The following XPNPEP3 variants were observed in gnomAD, a reference collection of about 807,000 sequenced individuals.
The protein encoded by XPNPEP3 is xaa-Pro aminopeptidase 3.
In XPNPEP3, 41 loss-of-function variants were observed where a neutral mutation model predicts 60.0. The observed-to-expected ratio is 0.68, with a 90% CI of 0.53 to 0.89. XPNPEP3 has a LOEUF of 0.89. Among genes scored for constraint, XPNPEP3 ranks in the 40% least tolerant of loss-of-function variants. XPNPEP3 has a pLI of 0.00. For missense variants in XPNPEP3, 598 were observed against 638.9 expected (o/e 0.94, Z 0.69); for synonymous variants, 212 against 223.2 (o/e 0.95, Z 0.45).
intron 2 of XPNPEP3, among the ~76,000 whole-genome samples, chr22:40,872,888 T>C (rs1441263790): frequency 6.6e-6 from 1 of 152,084 alleles, no homozygotes; most frequent in African/African-American, 2.4e-5. Context: ...CACTGAAACA[T>C]ATCAGAGAAT....
chr22:40,862,948 C>T (rs1227061647), intron 1 of XPNPEP3, among the ~76,000 whole-genome samples: 1 of 152,168 alleles, frequency 6.6e-6, no homozygotes, highest in African/African-American at 2.4e-5. Context: ...AAAAAAATAG[C>T]AATGTGCTGG....
At chr22:40,869,220 G>A (rs1455186100) in intron 2 of XPNPEP3, 105 bp downstream of exon 2, 3 of 1,004,444 alleles carry the variant, frequency 3.0e-6, no homozygotes, top group Middle Eastern at 2.1e-4. Flanking sequence ...TGTTCCATAA[G>A]GTAGCCACTA....
intron 4 of XPNPEP3, among the ~76,000 whole-genome samples, chr22:40,898,205 T>G (rs2058116607): frequency 6.7e-6 from 1 of 149,298 alleles, no homozygotes; most frequent in African/African-American, 2.4e-5. Context: ...TTTTATGTTT[T>G]ATGTTTAGGT....
chr22:40,892,934 A>G (rs960251783), intron 4 of XPNPEP3, among the ~76,000 whole-genome samples: 1 of 139,032 alleles, frequency 7.2e-6, no homozygotes, highest in Non-Finnish European at 1.5e-5. Flanking sequence ...TTTTACACAT[A>G]TTATAACAGA....
intron 1 of XPNPEP3, chr22:40,861,238 T>C (rs2057943874): frequency 1.2e-6 from 2 of 1,614,190 alleles, no homozygotes; most frequent in Non-Finnish European, 1.7e-6. Flanking sequence ...TGTTTGGAGC[T>C]GTGAGAATTT....
intron 4 of XPNPEP3, among the ~76,000 whole-genome samples, chr22:40,901,765 A>G (rs906360743): frequency 2.0e-5 from 3 of 152,214 alleles, no homozygotes; most frequent in South Asian, 2.1e-4. Context: ...GCGCCCGGCT[A>G]TATGACTCCA....
At chr22:40,860,894 A>G (rs1298662414) in intron 1 of XPNPEP3, 20 of 691,562 alleles carry the variant, frequency 2.9e-5, no homozygotes, top group African/African-American at 9.0e-5. Flanking sequence ...TGTCACCACA[A>G]ACTCATCCTT....
chr22:40,910,652 G>C (rs1274451898), intron 6 of XPNPEP3, among the ~76,000 whole-genome samples: 1 of 152,014 alleles, frequency 6.6e-6, no homozygotes, highest in Non-Finnish European at 1.5e-5. Context: ...GTTGCAGTGA[G>C]CTGTGATCAC....
At chr22:40,899,386 A>G (rs1231298022) in intron 4 of XPNPEP3, among the ~76,000 whole-genome samples, 1 of 152,074 alleles carries the variant, frequency 6.6e-6, no homozygotes, top group African/African-American at 2.4e-5. Flanking sequence ...TTCCCTCCCA[A>G]TCCATTTTGC....
chr22:40,862,187 A>G (rs1470193248), intron 1 of XPNPEP3: 1 of 1,392,512 alleles, frequency 7.2e-7, no homozygotes, highest in African/African-American at 1.5e-5. Context: ...CAAATATGTC[A>G]GAGAGGGCTG....
chr22:40,871,776 T>G (rs1316616891), intron 2 of XPNPEP3, among the ~76,000 whole-genome samples: 2 of 152,188 alleles, frequency 1.3e-5, no homozygotes, highest in Non-Finnish European at 2.9e-5. Context: ...GGCTCACACC[T>G]GTAATCCCAG....
intron 4 of XPNPEP3, among the ~76,000 whole-genome samples, chr22:40,904,529 A>G (rs1468323394): frequency 1.3e-5 from 2 of 152,132 alleles, no homozygotes; most frequent in African/African-American, 4.8e-5. Flanking sequence ...AGTGTGGGCA[A>G]CATAGCAAGA....
chr22:40,860,584 AAG>A lies in XPNPEP3; in HGVS notation c.64+3341_64+3342del, dbSNP rs1296856784. The stretch of plus-strand genomic sequence containing the variant: ...TTGTATAGTGGTTTTAATTAGAAAA[AAG>A]AAAAATAGGCTATAAACTCTACTAA... On this transcript the variant is annotated intron_variant, in intron 1 of 9. Transcript: ENST00000357137. The A allele has an allele frequency of 2.5e-6, 3 of 1,194,514 alleles. No individual in the cohort carries two copies. In the Admixed American group the frequency reaches 9.2e-5, roughly 37 times the overall value. The allele number at this position is 1,194,514 out of a possible 1,614,324, so 74.0% of individuals were successfully genotyped here.
chr22:40,897,380 G>T (rs776600498), intron 4 of XPNPEP3, among the ~76,000 whole-genome samples: 4 of 151,984 alleles, frequency 2.6e-5, no homozygotes, highest in Non-Finnish European at 2.9e-5. Flanking sequence ...CATCTTTTGG[G>T]CTATGGTGAC....
At chr22:40,880,185 A>G (rs554309962) in intron 2 of XPNPEP3, among the ~76,000 whole-genome samples, 3 of 152,268 alleles carry the variant, frequency 2.0e-5, no homozygotes, top group East Asian at 1.9e-4. Flanking sequence ...GTACTAAGAT[A>G]TAAGTACAAA....
chr22:40,898,934 A>G (rs371611612), intron 4 of XPNPEP3, among the ~76,000 whole-genome samples: 5 of 152,206 alleles, frequency 3.3e-5, no homozygotes, highest in African/African-American at 1.2e-4. Flanking sequence ...ACAGTTGCCC[A>G]TATCTAGATA....
rs555945619 is a variant in XPNPEP3, at chr22:40,869,194, A to T, written c.181+79A>T. The T allele has an allele frequency of 2.5e-5, 31 of 1,257,028 alleles. 1 individual carries two copies. The highest frequency in any genetic ancestry group is 2.2e-4 in the African/African-American group (15 of 67,794). The allele number at this position is 1,257,028 out of a possible 1,614,324, so 77.9% of individuals were successfully genotyped here. The stretch of plus-strand genomic sequence containing the variant: ...CTATGCAATAGAACTTCTTGCAGTA[A>T]GCTCTGGATCTGTGCTGTTCCATAA... On this transcript the variant is annotated intron_variant, in intron 2 of 9. Coordinates refer to ENST00000357137, the MANE Select transcript of XPNPEP3 (RefSeq NM_022098.4).
At chr22:40,914,725 C>T (rs1366587653) in intron 7 of XPNPEP3, among the ~76,000 whole-genome samples, 1 of 151,548 alleles carries the variant, frequency 6.6e-6, no homozygotes, top group Non-Finnish European at 1.5e-5. Flanking sequence ...CCATGCCTGA[C>T]TCACAGACAT....
intron 2 of XPNPEP3, among the ~76,000 whole-genome samples, chr22:40,871,162 A>G (rs1018967798): frequency 6.6e-6 from 1 of 152,206 alleles, no homozygotes; most frequent in African/African-American, 2.4e-5. Context: ...TAGGAGTTCG[A>G]GACGAGCATA....
Sources: gnomAD v4.1 joint callset for allele counts (sites outside exome capture counted in the v4.1 genomes callset) on GRCh38, gnomAD v4.1.1 for gene constraint, MANE v1.5 for transcripts, NCBI Gene and HGNC (gene_info 2026-07-23, HGNC 2026-07-21) for gene names.